The following PACRG variants were observed in gnomAD, a reference collection of about 807,000 sequenced individuals.
PACRG encodes the protein parkin coregulated gene protein.
A neutral mutation model predicts 29.7 loss-of-function variants in PACRG; 29 were observed. The observed-to-expected ratio is 0.98, with a 90% CI of 0.73 to 1.33. The LOEUF is 1.33. PACRG is among the 40% of genes most tolerant of loss of function. PACRG has a pLI of 0.00. For synonymous variants in PACRG, 116 were observed against 118.7 expected, an observed-to-expected ratio of 0.98 and a Z score of 0.15; for missense variants, 279 against 316.2, an observed-to-expected ratio of 0.88 and a Z score of 0.89.
intron 4 of PACRG, among the ~76,000 whole-genome samples, chr6:163,179,859 G>A (rs1779570654): frequency 6.6e-6 from 1 of 152,194 alleles, no homozygotes; most frequent in Non-Finnish European, 1.5e-5. Flanking sequence ...ACTTACAGAT[G>A]ACATTCTCGC....
intron 1 of PACRG, among the ~76,000 whole-genome samples, chr6:162,734,429 C>T (rs1278792863): frequency 6.6e-6 from 1 of 150,924 alleles, no homozygotes; most frequent in Non-Finnish European, 1.5e-5. Context: ...TGTTACATTA[C>T]CCTTTATATA....
At chr6:163,150,062 C>T (rs2128338007) in intron 4 of PACRG, among the ~76,000 whole-genome samples, 1 of 152,320 alleles carries the variant, frequency 6.6e-6, no homozygotes, top group Non-Finnish European at 1.5e-5. Flanking sequence ...ATTCCTGTTG[C>T]TAGTCCTCTC....
Position 162,728,306 on chromosome 6 carries a change from TGGCACA to T in PACRG, c.72_77del (p.Ala25_Gln26del), listed in dbSNP as rs763555047. The T allele has an allele frequency of 2.5e-6, 4 of 1,613,974 alleles. No homozygotes were observed. The highest frequency in any genetic ancestry group is 3.3e-5 in the Admixed American group (2 of 60,000). On this transcript the variant is annotated inframe_deletion, in exon 1 of 5. Transcript: ENST00000366888. ...AAGATGCCGAAGAGGACCAAGCTGC[TGGCACA>T]ACAGCCGCTCCCGGTGCACCAGCCT...
intron 2 of PACRG, among the ~76,000 whole-genome samples, chr6:162,864,043 T>C (rs28532642): frequency 6.6e-6 from 1 of 152,298 alleles, no homozygotes; most frequent in South Asian, 2.1e-4. Context: ...CTCAGTTTTA[T>C]GGGAAGATAC....
chr6:162,916,533 C>A (rs1291659003), intron 2 of PACRG, among the ~76,000 whole-genome samples: 1 of 152,096 alleles, frequency 6.6e-6, no homozygotes, highest in Non-Finnish European at 1.5e-5. Flanking sequence ...TTATGCAGTA[C>A]CTTCTGCATT....
upstream of PACRG, chr6:162,727,678 G>C: frequency 6.3e-7 from 1 of 1,577,928 alleles, no homozygotes; most frequent in Non-Finnish European, 8.6e-7. Flanking sequence ...TGGTCACTGG[G>C]TAGGTGGCGG....
At chr6:162,915,741 A>G (rs1248274301) in intron 2 of PACRG, among the ~76,000 whole-genome samples, 2 of 152,064 alleles carry the variant, frequency 1.3e-5, no homozygotes, top group African/African-American at 2.4e-5. Flanking sequence ...TATATACCTA[A>G]CCTTTCACAG....
At chr6:163,213,283 A>G (rs1033536030) in intron 4 of PACRG, among the ~76,000 whole-genome samples, 2 of 150,080 alleles carry the variant, frequency 1.3e-5, no homozygotes, top group African/African-American at 4.9e-5. Flanking sequence ...ACCTTTTAAA[A>G]TGTCCAGGGC....
chr6:162,984,755 A>G lies in PACRG; in HGVS notation c.292-77395A>G, dbSNP rs56987064. On this transcript the variant is annotated intron_variant, in intron 2 of 4. Transcript: ENST00000366888. ...TGGTTTTGATTTGCATTTCCACAATATTAGTGATTTTGAGCAATTTTTCAT... is the reference window on the plus strand; with the variant it reads ...TGGTTTTGATTTGCATTTCCACAATGTTAGTGATTTTGAGCAATTTTTCAT... Among the ~76,000 whole-genome samples, 1,086 of 151,900 alleles carry G rather than the reference A, an allele frequency of 7.1e-3. 16 individuals carry two copies. Among genetic ancestry groups the G allele is most frequent in the African/African-American group, 0.025 (1,021 of 41,440 alleles).
intron 3 of PACRG, among the ~76,000 whole-genome samples, chr6:163,078,867 G>GCCA (rs1232370155): frequency 6.6e-6 from 1 of 152,144 alleles, no homozygotes; most frequent in East Asian, 1.9e-4. Context: ...TGTCTCGAAT[G>GCCA]CCTGCTCAAA....
At chr6:163,097,801 T>C (rs1814736878) in intron 4 of PACRG, among the ~76,000 whole-genome samples, 1 of 152,154 alleles carries the variant, frequency 6.6e-6, no homozygotes, top group South Asian at 2.1e-4. Context: ...AAACCAGGTT[T>C]CTTATTATGT....
At chr6:162,911,669 A>T (rs1796311407) in intron 2 of PACRG, among the ~76,000 whole-genome samples, 1 of 152,194 alleles carries the variant, frequency 6.6e-6, no homozygotes, top group Non-Finnish European at 1.5e-5. Flanking sequence ...CCATCTTTAG[A>T]TTTACTTGTT....
At chr6:162,787,543 A>G (rs1200968573) in intron 1 of PACRG, among the ~76,000 whole-genome samples, 4 of 138,406 alleles carry the variant, frequency 2.9e-5, no homozygotes, top group Non-Finnish European at 6.2e-5. Context: ...GTGTTTGTGT[A>G]TATATATATG....
chr6:163,250,259 T>C (rs182554443), intron 4 of PACRG, among the ~76,000 whole-genome samples: 4 of 152,352 alleles, frequency 2.6e-5, no homozygotes, highest in African/African-American at 4.8e-5. Flanking sequence ...ATTTGCACCA[T>C]AACCATTGAA....
chr6:163,263,259 C>T (rs6455888), intron 4 of PACRG, among the ~76,000 whole-genome samples: 48,596 of 150,972 alleles, frequency 0.32, 7,912 homozygotes, highest in Admixed American at 0.38. Flanking sequence ...AAGAATTCTG[C>T]AACTGTCTGT....
intron 4 of PACRG, among the ~76,000 whole-genome samples, chr6:163,160,620 G>A (rs1210212101): frequency 6.6e-6 from 1 of 152,164 alleles, no homozygotes; most frequent in Admixed American, 6.5e-5. Context: ...AGCTTGAATT[G>A]CTGCGTGGAC....
intron 1 of PACRG, among the ~76,000 whole-genome samples, chr6:162,797,399 C>T (rs1394697717): frequency 6.6e-6 from 1 of 152,170 alleles, no homozygotes; most frequent in Admixed American, 6.5e-5. Flanking sequence ...CTTGCAGGTG[C>T]TTATCTATTG....
intron 4 of PACRG, among the ~76,000 whole-genome samples, chr6:163,289,943 G>A (rs944160512): frequency 6.6e-6 from 1 of 152,058 alleles, no homozygotes; most frequent in African/African-American, 2.4e-5. Flanking sequence ...CGCCTCCCAG[G>A]TTCAAGTGAT....
intron 1 of PACRG, among the ~76,000 whole-genome samples, chr6:162,767,895 A>T (rs1401719695): frequency 1.3e-5 from 2 of 151,956 alleles, no homozygotes; most frequent in African/African-American, 4.8e-5. Context: ...TTTATTTTTC[A>T]AACAGTGTAG....
Sources: allele counts gnomAD v4.1 joint callset (sites outside exome capture counted in the v4.1 genomes callset), GRCh38; gene constraint gnomAD v4.1.1; transcripts MANE v1.5; gene names NCBI Gene and HGNC (gene_info 2026-07-23, HGNC 2026-07-21).